Variants in UGT3A1 observed in about 807,000 individuals in gnomAD.
UGT3A1 encodes UDP-glycosyltransferase 3A1.
In UGT3A1, 40 loss-of-function variants were observed where a neutral mutation model predicts 37.6. The observed-to-expected ratio is 1.06, with a 90% CI of 0.83 to 1.38. The LOEUF (loss-of-function observed/expected upper bound fraction) is 1.38, where lower values mean the gene tolerates loss of function less well. Ranked by LOEUF, UGT3A1 falls within the 40% of genes most tolerant of loss-of-function variation. UGT3A1 has a pLI of 0.00. For synonymous variants in UGT3A1, 256 were observed against 232.3 expected (o/e 1.10, Z -0.93); for missense variants, 642 against 634.2 (o/e 1.01, Z -0.13).
intron 2 of UGT3A1, among the ~76,000 whole-genome samples, chr5:35,977,604 T>C (rs977872392): frequency 6.6e-6 from 1 of 152,208 alleles, no homozygotes; most frequent in Non-Finnish European, 1.5e-5. Flanking sequence ...TCTTCTGCTA[T>C]GACAGTAAAC....
Position 35,957,182 on chromosome 5 carries a change from C to G in UGT3A1, c.1075+6G>C, listed in dbSNP as rs373003237. On this transcript the variant is annotated splice_donor_region_variant and intron_variant, in intron 5 of 6. Transcript: ENST00000274278. ...AAAGAGAAGAGCAGACCTAAGCAGTCCTTACCCAGGAGGTCACTCTGAGGA... is the reference window on the plus strand; with the variant it reads ...AAAGAGAAGAGCAGACCTAAGCAGTGCTTACCCAGGAGGTCACTCTGAGGA... 147 of 1,612,838 alleles carry G rather than the reference C, an allele frequency of 9.1e-5. No individual in the cohort carries two copies. In the Middle Eastern group the frequency reaches 1.0e-3, roughly 11 times the overall value.
intron 2 of UGT3A1, among the ~76,000 whole-genome samples, chr5:35,977,336 T>C (rs1740329725): frequency 6.6e-6 from 1 of 152,208 alleles, no homozygotes; most frequent in South Asian, 2.1e-4. Context: ...AAACACAATA[T>C]GAATGAATCT....
At chr5:35,988,339 C>G in intron 2 of UGT3A1, 111 bp downstream of exon 2, 1 of 722,428 alleles carries the variant, frequency 1.4e-6, no homozygotes, top group Non-Finnish European at 2.2e-6. Context: ...TTATTCATCC[C>G]GAAATAAGAC....
Position 35,954,466 on chromosome 5 carries a change from T to G in UGT3A1, c.1308A>C (p.Ala436=). Residue 436 remains alanine, a synonymous_variant, in exon 7 of 7, where the codon GCA becomes GCC. Transcript: ENST00000274278. ...QVIEDKRYKS[A]VVAASVILHS... The stretch of plus-strand genomic sequence containing the variant: ...GCAGGATGACACTGGCTGCCACCAC[T>G]GCCGACTTGTACCTGTTGGCGGAGA... 1 of 1,613,994 alleles carries G rather than the reference T, an allele frequency of 6.2e-7. No homozygotes were observed. The highest frequency in any genetic ancestry group is 8.5e-7 in the Non-Finnish European group (1 of 1,179,870).
At chr5:35,976,139 C>G (rs926037938) in intron 2 of UGT3A1, among the ~76,000 whole-genome samples, 1 of 152,082 alleles carries the variant, frequency 6.6e-6, no homozygotes, top group African/African-American at 2.4e-5. Context: ...CCAAGAGACA[C>G]AAAAATAATT....
chr5:35,955,036 G>A, intron 6 of UGT3A1: 1 of 159,316 alleles, frequency 6.3e-6, no homozygotes, highest in Non-Finnish European at 1.4e-5. Context: ...TACTTATGAA[G>A]CTGACTCTCT....
chr5:35,966,025 A>G (rs991115550), intron 3 of UGT3A1, 108 bp from the exon 4 acceptor site: 2 of 845,124 alleles, frequency 2.4e-6, no homozygotes, highest in Non-Finnish European at 1.7e-6. Context: ...GAATATAACC[A>G]GTATCCATCA....
At chr5:35,954,707 T>C in intron 6 of UGT3A1, 1 of 569,210 alleles carries the variant, frequency 1.8e-6, no homozygotes, top group Non-Finnish European at 3.1e-6. Flanking sequence ...ATTCTAAAAG[T>C]GTTAAACTGT....
intron 2 of UGT3A1, among the ~76,000 whole-genome samples, chr5:35,975,787 T>A (rs1009822694): frequency 1.3e-5 from 2 of 152,348 alleles, no homozygotes; most frequent in Admixed American, 1.3e-4. Flanking sequence ...GTTGGTGTGC[T>A]GCACCCATTA....
At chr5:36,000,064 G>A (rs1741184922) in intron 1 of UGT3A1, among the ~76,000 whole-genome samples, 1 of 152,110 alleles carries the variant, frequency 6.6e-6, no homozygotes, top group African/African-American at 2.4e-5. Context: ...ACCATCCCTG[G>A]TCCTCAGGCC....
intron 2 of UGT3A1, among the ~76,000 whole-genome samples, chr5:35,977,763 A>C (rs1054884276): frequency 6.6e-6 from 1 of 152,262 alleles, no homozygotes; most frequent in Admixed American, 6.5e-5. Flanking sequence ...ATGAACTAAT[A>C]CAATAACGTT....
intron 2 of UGT3A1, among the ~76,000 whole-genome samples, chr5:35,975,324 A>G (rs1422233856): frequency 1.3e-5 from 2 of 152,256 alleles, no homozygotes; most frequent in South Asian, 2.1e-4. Context: ...CCTGATTAGC[A>G]TCATTCCTCA....
chr5:35,970,490 G>A (rs1462393075), intron 2 of UGT3A1, among the ~76,000 whole-genome samples: 1 of 151,852 alleles, frequency 6.6e-6, no homozygotes, highest in Non-Finnish European at 1.5e-5. Flanking sequence ...CTCCCACCAG[G>A]TCCATCCCAC....
At position 35,955,710 on chromosome 5, in the gene UGT3A1, G is replaced by T; in HGVS notation, c.1230C>A (p.Ile410=). The change falls in exon 6 of 7, where the codon ATC becomes ATA. Residue 410 remains isoleucine, a synonymous_variant. Transcript: ENST00000274278. ...TGTCGGCTGTGACCTGATTCAACCG[G>T]ATAGAGACACCATAATTTTTGGCTA... ...RVVAKNYGVS[I]RLNQVTADTL... The T allele has an allele frequency of 6.2e-7, 1 of 1,614,168 alleles. No individual in the cohort carries two copies. Among genetic ancestry groups the T allele is most frequent in the Non-Finnish European group, 8.5e-7 (1 of 1,180,032 alleles).
At chr5:35,960,615 C>A (rs827800) in intron 4 of UGT3A1, 120,993 of 152,214 alleles carry the variant, frequency 0.79, 48,170 homozygotes, top group South Asian at 0.91. Flanking sequence ...CTAAAGCCCA[C>A]GTGAGCATGG....
At chr5:35,968,412 T>C (rs1394853739) in intron 2 of UGT3A1, among the ~76,000 whole-genome samples, 1 of 152,218 alleles carries the variant, frequency 6.6e-6, no homozygotes, top group Non-Finnish European at 1.5e-5. Context: ...ACTTATTTTA[T>C]AGATGAGACA....
rs1739401669 is a variant in UGT3A1, at chr5:35,957,427, G to C, written c.844-8C>G. The C allele has an allele frequency of 1.2e-6, 2 of 1,611,558 alleles. No homozygotes were observed. The highest frequency in any genetic ancestry group is 1.7e-6 in the Non-Finnish European group (2 of 1,178,640). On this transcript the variant is annotated splice_region_variant and splice_polypyrimidine_tract_variant and intron_variant, in intron 4 of 6. Transcript: ENST00000274278. Reference sequence around the variant, plus strand: ...AATGAAGTTGTCCAAGTCCTAGAGAGAGATGACAAAAGAAAGGAGGTGGCA... The same window carrying C: ...AATGAAGTTGTCCAAGTCCTAGAGACAGATGACAAAAGAAAGGAGGTGGCA...
intron 2 of UGT3A1, among the ~76,000 whole-genome samples, chr5:35,974,830 A>T (rs368409394): frequency 1.2e-4 from 18 of 152,346 alleles, no homozygotes; most frequent in African/African-American, 4.3e-4. Context: ...TCAATGCTCC[A>T]GCCCTGTGAC....
intron 2 of UGT3A1, among the ~76,000 whole-genome samples, chr5:35,977,226 A>T (rs1740325442): frequency 6.6e-6 from 1 of 152,224 alleles, no homozygotes; most frequent in South Asian, 2.1e-4. Flanking sequence ...CCCAAACTGA[A>T]AATAACCCAA....
Sources: allele counts gnomAD v4.1 joint callset (sites outside exome capture counted in the v4.1 genomes callset), GRCh38; gene constraint gnomAD v4.1.1; transcripts MANE v1.5; gene names NCBI Gene and HGNC (gene_info 2026-07-23, HGNC 2026-07-21).